LINGO2: variants seen among roughly 807,000 people sequenced by gnomAD.
The protein encoded by LINGO2 is leucine rich repeat and Ig domain containing 2.
LINGO2 carries 14 observed loss-of-function variants against 30.6 expected under a neutral mutation model. The ratio of observed to expected loss-of-function variants is 0.46; its 90% CI spans 0.30 to 0.72. LINGO2 has a LOEUF of 0.72. LINGO2 is among the 30% of genes least tolerant of loss of function. LINGO2 has a pLI of 0.07. For synonymous variants in LINGO2, 317 were observed against 288.5 expected, an observed-to-expected ratio of 1.10 and a Z score of -1.00; for missense variants, 729 against 751.7, an observed-to-expected ratio of 0.97 and a Z score of 0.35.
the LINGO2 span, among the ~76,000 whole-genome samples, chr9:29,073,446 G>T: frequency 1.3e-5 from 2 of 152,062 alleles, no homozygotes; most frequent in Non-Finnish European, 2.9e-5. Context: ...AATTCAACCT[G>T]CCACCTGTTT....
At chr9:28,422,828 T>G (rs34550678) in intron 2 of LINGO2, among the ~76,000 whole-genome samples, 45,160 of 151,902 alleles carry the variant, frequency 0.3, 7,778 homozygotes, top group Non-Finnish European at 0.38. Flanking sequence ...TACAATGGAG[T>G]ATTTTTCAGG....
At chr9:28,335,549 T>C (rs1481522308) in intron 3 of LINGO2, among the ~76,000 whole-genome samples, 1 of 152,186 alleles carries the variant, frequency 6.6e-6, no homozygotes, top group East Asian at 1.9e-4. Flanking sequence ...TTGTGCACAT[T>C]GCTCTGGGGT....
Position 28,147,415 on chromosome 9 carries a change from G to A in LINGO2, c.-86-135010C>T, listed in dbSNP as rs1318991071. Among the ~76,000 whole-genome samples, 4 of 152,218 alleles carry A rather than the reference G, an allele frequency of 2.6e-5. No homozygotes were observed. The highest frequency in any genetic ancestry group is 6.5e-5 in the Admixed American group (1 of 15,290). On this transcript the variant is annotated intron_variant, in intron 4 of 5. Coordinates refer to ENST00000379992, the Ensembl canonical transcript of LINGO2. The surrounding 1 kb of genome is among the most constrained non-coding windows in gnomAD (Gnocchi z 4.7). ...GCATCCAGTCAGGTCAGGGCACCGC[G>A]TTCTCTCTTTGGAAACCTGTGGAGC...
At chr9:28,259,674 T>C (rs1209212305) in intron 4 of LINGO2, among the ~76,000 whole-genome samples, 1 of 151,724 alleles carries the variant, frequency 6.6e-6, no homozygotes, top group African/African-American at 2.4e-5. Context: ...AGGAGACCAG[T>C]AGAGGTACAC....
At chr9:28,584,709 T>C (rs1343404599) in intron 1 of LINGO2, among the ~76,000 whole-genome samples, 1 of 152,060 alleles carries the variant, frequency 6.6e-6, no homozygotes, top group African/African-American at 2.4e-5. Flanking sequence ...ATGGTTGTTA[T>C]TAAATAATCA....
At chr9:28,132,371 C>A (rs992271995) in intron 4 of LINGO2, among the ~76,000 whole-genome samples, 63 of 151,970 alleles carry the variant, frequency 4.1e-4, no homozygotes, top group African/African-American at 1.5e-3. Flanking sequence ...TAGATAAAAA[C>A]CTTTTACGTA....
At chr9:29,115,415 C>T in the LINGO2 span, among the ~76,000 whole-genome samples, 2 of 151,908 alleles carry the variant, frequency 1.3e-5, no homozygotes, top group African/African-American at 2.4e-5. Flanking sequence ...AAATGAAACA[C>T]CAATCTTGAG....
At chr9:28,595,940 C>T (rs1324077602) in intron 1 of LINGO2, among the ~76,000 whole-genome samples, 1 of 152,078 alleles carries the variant, frequency 6.6e-6, no homozygotes, top group African/African-American at 2.4e-5. Context: ...AGGTAAAACA[C>T]ATTGCTTTTT....
chr9:28,006,917 C>T (rs750807030), intron 5 of LINGO2, among the ~76,000 whole-genome samples: 1 of 80,544 alleles, frequency 1.2e-5, no homozygotes, highest in Non-Finnish European at 3.5e-5. Flanking sequence ...CTGAGCTAGT[C>T]TAATTCATTT....
chr9:29,100,626 AG>A, the LINGO2 span, among the ~76,000 whole-genome samples: 4 of 152,104 alleles, frequency 2.6e-5, no homozygotes, highest in African/African-American at 9.7e-5. Context: ...ATAGTTAAAA[AG>A]AATAAATGAG....
Position 28,327,918 on chromosome 9 carries a change from G to A in LINGO2, c.-245-32552C>T, listed in dbSNP as rs541649891. ...AGGCAAGGAGAAAGGAAGAAAGGAA[G>A]GAAGGAAGGAAAGAAAAAAAATAAG... On this transcript the variant is annotated intron_variant, in intron 3 of 5. Coordinates refer to ENST00000379992, the Ensembl canonical transcript of LINGO2. 3.3e-5 allele frequency among the ~76,000 whole-genome samples: 5 copies of A among 152,134 alleles called. No individual in the cohort carries two copies. In the East Asian group the frequency reaches 9.7e-4, roughly 29 times the overall value.
intron 1 of LINGO2, among the ~76,000 whole-genome samples, chr9:28,561,357 C>G (rs527555972): frequency 1.1e-4 from 17 of 151,786 alleles, no homozygotes; most frequent in African/African-American, 3.6e-4. Flanking sequence ...AGATACGAAC[C>G]TGAGTATCAT....
chr9:28,263,233 T>C (rs1016628417), intron 4 of LINGO2, among the ~76,000 whole-genome samples: 10 of 151,978 alleles, frequency 6.6e-5, no homozygotes, highest in Middle Eastern at 3.2e-3. Context: ...CTTGTCTCTT[T>C]CCTCTAGATC....
In LINGO2 at chr9:28,421,114, A is replaced by C. The variant is rs139388163; in HGVS notation, c.-278-48246T>G. Among the ~76,000 whole-genome samples the C allele has an allele frequency of 5.4e-3, 816 of 152,142 alleles. 10 individuals carry two copies. The highest frequency in any genetic ancestry group is 0.018 in the African/African-American group (748 of 41,534). On this transcript the variant is annotated intron_variant, in intron 2 of 5. Transcript: ENST00000379992. ...TTATACAGTAGAACAAAGAAACAAA[A>C]AAAATTCAAAGTTGTAGAACACAAA...
the LINGO2 span, among the ~76,000 whole-genome samples, chr9:28,952,425 A>G: frequency 1.3e-5 from 2 of 152,214 alleles, no homozygotes; most frequent in South Asian, 2.1e-4. Flanking sequence ...AATTCCTGCC[A>G]TCTCTATACA....
At chr9:28,488,640 A>C (rs920090401) in intron 1 of LINGO2, among the ~76,000 whole-genome samples, 2 of 152,182 alleles carry the variant, frequency 1.3e-5, no homozygotes, top group African/African-American at 2.4e-5. Context: ...GTGAGAATCA[A>C]AGGAGTTTTT....
At chr9:29,035,876 A>C in the LINGO2 span, among the ~76,000 whole-genome samples, 3 of 152,008 alleles carry the variant, frequency 2.0e-5, no homozygotes, top group Non-Finnish European at 2.9e-5. Flanking sequence ...ATTGTCATGG[A>C]GGCAGAGATA....
chr9:28,977,436 G>A, the LINGO2 span, among the ~76,000 whole-genome samples: 3 of 151,818 alleles, frequency 2.0e-5, no homozygotes, highest in Non-Finnish European at 2.9e-5. Flanking sequence ...AATTTTATAA[G>A]TTCATTATGT....
intron 2 of LINGO2, among the ~76,000 whole-genome samples, chr9:28,392,453 G>A (rs1821877529): frequency 6.6e-6 from 1 of 152,174 alleles, no homozygotes; most frequent in South Asian, 2.1e-4. Context: ...ACACATTAGT[G>A]AGTAGAAATC....
Sources: gnomAD v4.1 joint callset for allele counts (sites outside exome capture counted in the v4.1 genomes callset) on GRCh38, gnomAD v4.1.1 for gene constraint, Gnocchi (gnomAD v3.1) non-coding constraint, MANE v1.5 for transcripts, NCBI Gene and HGNC (gene_info 2026-07-23, HGNC 2026-07-21) for gene names.